The following KCNIP4 variants were observed in gnomAD, a reference collection of about 807,000 sequenced individuals.
The protein encoded by KCNIP4 is Kv channel-interacting protein 4.
In KCNIP4, 12 loss-of-function variants were observed where a neutral mutation model predicts 34.0. The ratio of observed to expected loss-of-function variants is 0.35; its 90% CI spans 0.23 to 0.57. The LOEUF (loss-of-function observed/expected upper bound fraction) is 0.57, where lower values mean the gene tolerates loss of function less well. KCNIP4 is among the 20% of genes least tolerant of loss of function. The pLI, the probability that KCNIP4 is intolerant of heterozygous loss-of-function variation, is 0.83. For synonymous variants in KCNIP4, 124 were observed against 102.2 expected (o/e 1.21, Z -1.29); for missense variants, 238 against 311.7 (o/e 0.76, Z 1.78).
intron 1 of KCNIP4, among the ~76,000 whole-genome samples, chr4:21,301,780 C>G (rs754166333): frequency 4.6e-5 from 7 of 152,124 alleles, no homozygotes; most frequent in Non-Finnish European, 7.4e-5. Context: ...TCAGCTATAT[C>G]AATCTATTCA....
intron 1 of KCNIP4, among the ~76,000 whole-genome samples, chr4:21,514,182 G>T (rs140192354): frequency 6.6e-6 from 1 of 152,118 alleles, no homozygotes; most frequent in South Asian, 2.1e-4. Flanking sequence ...GAGACAATGC[G>T]GTTTCCCTGA....
chr4:20,806,201 C>T (rs1715064753), intron 3 of KCNIP4, among the ~76,000 whole-genome samples: 1 of 151,962 alleles, frequency 6.6e-6, no homozygotes, highest in South Asian at 2.1e-4. Flanking sequence ...GTCCTCTATG[C>T]ACCTTGCTGT....
At chr4:21,875,156 G>T (rs1359392820) in intron 1 of KCNIP4, among the ~76,000 whole-genome samples, 1 of 152,092 alleles carries the variant, frequency 6.6e-6, no homozygotes, top group African/African-American at 2.4e-5. Context: ...ACTTAAACAA[G>T]GTCACAGAGC....
At position 21,932,123 on chromosome 4, in the gene KCNIP4, G is replaced by A. The variant is rs564596857; in HGVS notation, c.61+16448C>T. ...TGAGTCAGAAAATGTCCACATGTTA[G>A]TGTGGTAACCTATACCATATGCCTT... On this transcript the variant is annotated intron_variant, in intron 1 of 8. Coordinates refer to ENST00000382152, the MANE Select transcript of KCNIP4 (RefSeq NM_025221.6). 2.0e-5 allele frequency among the ~76,000 whole-genome samples: 3 copies of A among 152,226 alleles called. No individual in the cohort carries two copies. The East Asian group carries it at 5.8e-4, about 29-fold the overall frequency.
chr4:21,934,941 C>G (rs905856162), intron 1 of KCNIP4, among the ~76,000 whole-genome samples: 1 of 152,128 alleles, frequency 6.6e-6, no homozygotes, highest in African/African-American at 2.4e-5. Flanking sequence ...ATATTGAACT[C>G]AATGCTTTTG....
intron 1 of KCNIP4, among the ~76,000 whole-genome samples, chr4:21,400,593 CCTT>C (rs1577305125): frequency 7.3e-6 from 1 of 137,458 alleles, no homozygotes. Context: ...TTTCTTTCTT[CCTT>C]CTTTTCTCCT....
At chr4:20,769,031 T>C (rs1328747845) in intron 3 of KCNIP4, among the ~76,000 whole-genome samples, 1 of 145,440 alleles carries the variant, frequency 6.9e-6, no homozygotes, top group African/African-American at 2.6e-5. Context: ...AGTTCTGCCC[T>C]CTAACCATAT....
chr4:21,358,175 G>A (rs1718852183), intron 1 of KCNIP4, among the ~76,000 whole-genome samples: 1 of 152,068 alleles, frequency 6.6e-6, no homozygotes. Flanking sequence ...GTCAGGTGGT[G>A]GGGGGCTGGT....
rs1727621615 is a variant in KCNIP4, at chr4:20,905,350, T to C, written c.62-22641A>G. Reference sequence around the variant, plus strand: ...ATACTGAATTAGGGTTTCACCCTAATGACCTTATTTTAACTTTAATGAGTA... The same window carrying C: ...ATACTGAATTAGGGTTTCACCCTAACGACCTTATTTTAACTTTAATGAGTA... On this transcript the variant is annotated intron_variant, in intron 1 of 8. Transcript: ENST00000382152. Among the ~76,000 whole-genome samples the C allele has an allele frequency of 5.9e-5, 9 of 152,286 alleles. 1 individual carries two copies. The South Asian group carries it at 1.9e-3, about 32-fold the overall frequency.
At chr4:21,664,884 T>G (rs1748720526) in intron 1 of KCNIP4, among the ~76,000 whole-genome samples, 1 of 152,228 alleles carries the variant, frequency 6.6e-6, no homozygotes, top group Non-Finnish European at 1.5e-5. Flanking sequence ...ATTATAAAAT[T>G]ATCACAATAG....
intron 1 of KCNIP4, among the ~76,000 whole-genome samples, chr4:21,120,388 A>G (rs920379995): frequency 6.6e-6 from 1 of 152,080 alleles, no homozygotes; most frequent in African/African-American, 2.4e-5. Context: ...GTGTCTTCAC[A>G]TGGTCTTCCC....
chr4:21,224,890 A>G lies in KCNIP4; in HGVS notation c.62-342181T>C, dbSNP rs116423976. ...GCATGAGCCACCACACCTGGCCCCA[A>G]TTTTTCAACTTTACGATGATGCAAA... On this transcript the variant is annotated intron_variant, in intron 1 of 8. Coordinates refer to ENST00000382152, the MANE Select transcript of KCNIP4 (RefSeq NM_025221.6). Among the ~76,000 whole-genome samples, 338 of 151,874 alleles carry G rather than the reference A, an allele frequency of 2.2e-3. 4 individuals carry two copies. The highest frequency in any genetic ancestry group is 7.8e-3 in the African/African-American group (322 of 41,454).
chr4:20,831,569 G>GTC (rs1220148090), intron 3 of KCNIP4, among the ~76,000 whole-genome samples: 3 of 152,100 alleles, frequency 2.0e-5, no homozygotes, highest in Non-Finnish European at 4.4e-5. Context: ...ATATATTCTA[G>GTC]TCACACACAC....
At chr4:21,345,646 G>A (rs1238322784) in intron 1 of KCNIP4, among the ~76,000 whole-genome samples, 1 of 152,142 alleles carries the variant, frequency 6.6e-6, no homozygotes, top group Non-Finnish European at 1.5e-5. Flanking sequence ...AATGGAGGCT[G>A]ATGGCCAGGG....
chr4:21,133,276 G>A (rs952799968), intron 1 of KCNIP4, among the ~76,000 whole-genome samples: 18 of 152,116 alleles, frequency 1.2e-4, no homozygotes, highest in African/African-American at 4.3e-4. Context: ...AAAACCTCCT[G>A]GGTTTAACAT....
rs1013966577 is a variant in KCNIP4 at position 21,738,971 on chromosome 4, A to G, written c.61+209600T>C. Among the ~76,000 whole-genome samples the G allele has an allele frequency of 4.6e-5, 7 of 152,186 alleles. 1 individual carries two copies. The highest frequency in any genetic ancestry group is 4.4e-5 in the Non-Finnish European group (3 of 68,020). ...CAAATATCTTGATTCGGCTTTCATT[A>G]AAATCATAGTGAAATCACAGGCATG... On this transcript the variant is annotated intron_variant, in intron 1 of 8. Coordinates refer to ENST00000382152, the MANE Select transcript of KCNIP4 (RefSeq NM_025221.6).
intron 1 of KCNIP4, among the ~76,000 whole-genome samples, chr4:21,083,267 C>G (rs1249177255): frequency 6.6e-6 from 1 of 151,924 alleles, no homozygotes; most frequent in African/African-American, 2.4e-5. Flanking sequence ...CTCTTCCTCT[C>G]TCTTTTTTTT....
intron 3 of KCNIP4, among the ~76,000 whole-genome samples, chr4:20,778,647 C>G (rs988729832): frequency 5.9e-5 from 9 of 152,038 alleles, no homozygotes; most frequent in African/African-American, 1.9e-4. Flanking sequence ...ATTGTTATCT[C>G]AAAATAACAA....
intron 1 of KCNIP4, among the ~76,000 whole-genome samples, chr4:21,312,333 C>A (rs2109276705): frequency 6.6e-6 from 1 of 152,282 alleles, no homozygotes; most frequent in East Asian, 1.9e-4. Context: ...AAAAAGGAAT[C>A]CTCAGACCTT....
Sources: allele counts gnomAD v4.1 joint callset (sites outside exome capture counted in the v4.1 genomes callset), GRCh38; gene constraint gnomAD v4.1.1; transcripts MANE v1.5; gene names NCBI Gene and HGNC (gene_info 2026-07-23, HGNC 2026-07-21).